The following CIMAP3 variants were observed in gnomAD, a reference collection of about 807,000 sequenced individuals.
The protein encoded by CIMAP3 is ciliary microtubule-associated protein 3.
the CIMAP3 span, among the ~76,000 whole-genome samples, chr1:111,336,721 T>C: frequency 0.13 from 19,298 of 152,214 alleles, 1,332 homozygotes; most frequent in African/African-American, 0.16. Flanking sequence ...CTTCGTCTGA[T>C]TGGTGTACCT....
At chr1:111,351,030 A>G in the CIMAP3 span, among the ~76,000 whole-genome samples, 4 of 152,198 alleles carry the variant, frequency 2.6e-5, no homozygotes, top group African/African-American at 9.7e-5. Context: ...CTGCTTGGGG[A>G]TTTACTAAGT....
At chr1:111,329,933 G>C in the CIMAP3 span, among the ~76,000 whole-genome samples, 1 of 151,960 alleles carries the variant, frequency 6.6e-6, no homozygotes. Context: ...TTATTTCAGA[G>C]AACCAGTATT....
chr1:111,352,569 A>C, the CIMAP3 span: 1 of 152,600 alleles, frequency 6.6e-6, no homozygotes, highest in Non-Finnish European at 1.5e-5. Flanking sequence ...GATAATGATA[A>C]AGATACCTCA....
At chr1:111,348,001 A>G in the CIMAP3 span, among the ~76,000 whole-genome samples, 4 of 152,216 alleles carry the variant, frequency 2.6e-5, no homozygotes, top group African/African-American at 9.7e-5. Flanking sequence ...TTACTGAAGA[A>G]ATGGTCCCAA....
chr1:111,343,356 T>C, the CIMAP3 span, among the ~76,000 whole-genome samples: 3 of 152,224 alleles, frequency 2.0e-5, no homozygotes, highest in Non-Finnish European at 4.4e-5. Flanking sequence ...ATAATAATTC[T>C]TATATGTCCT....
chr1:111,328,671 C>T, the CIMAP3 span, among the ~76,000 whole-genome samples: 1 of 152,122 alleles, frequency 6.6e-6, no homozygotes, highest in African/African-American at 2.4e-5. Context: ...AGAGGCAACT[C>T]CTCCTTTTTT....
the CIMAP3 span, chr1:111,347,643 T>G: frequency 7.4e-7 from 1 of 1,349,674 alleles, no homozygotes; most frequent in Non-Finnish European, 1.0e-6. Flanking sequence ...TTTTTGGTGT[T>G]TTTGTTTGTT....
chr1:111,330,561 T>C, the CIMAP3 span, among the ~76,000 whole-genome samples: 2 of 152,244 alleles, frequency 1.3e-5, no homozygotes, highest in African/African-American at 2.4e-5. Flanking sequence ...CCTATGTTTC[T>C]GCACAGTTGC....
the CIMAP3 span, among the ~76,000 whole-genome samples, chr1:111,338,282 A>C: frequency 6.2e-4 from 95 of 152,158 alleles, 1 homozygote; most frequent in African/African-American, 2.1e-3. Flanking sequence ...TCACAATTAA[A>C]AGAACTAGAA....
At chr1:111,350,036 C>T in the CIMAP3 span, 1 of 1,277,776 alleles carries the variant, frequency 7.8e-7, no homozygotes, top group African/African-American at 1.5e-5. Context: ...CCAGGGACGG[C>T]TCTGGTACTG....
At chr1:111,348,259 G>T in the CIMAP3 span, 1 of 289,126 alleles carries the variant, frequency 3.5e-6, no homozygotes, top group Non-Finnish European at 6.5e-6. Flanking sequence ...CATAGTGGCC[G>T]TGATAAGTTG....
At chr1:111,339,888 G>A in the CIMAP3 span, among the ~76,000 whole-genome samples, 18 of 151,736 alleles carry the variant, frequency 1.2e-4, no homozygotes, top group East Asian at 1.4e-3. Context: ...AAAAGAGCCC[G>A]CATCGCCAAG....
At chr1:111,336,337 C>T in the CIMAP3 span, among the ~76,000 whole-genome samples, 1 of 152,192 alleles carries the variant, frequency 6.6e-6, no homozygotes, top group African/African-American at 2.4e-5. Flanking sequence ...AGCAATAGAA[C>T]AAAGCTGGAC....
the CIMAP3 span, chr1:111,348,942 G>C: frequency 4.1e-6 from 1 of 243,184 alleles, no homozygotes; most frequent in Non-Finnish European, 8.1e-6. Flanking sequence ...ACATTCTAGA[G>C]TCCAGACAGA....
chr1:111,351,805 T>C, the CIMAP3 span: 1 of 152,574 alleles, frequency 6.6e-6, no homozygotes, highest in East Asian at 1.9e-4. Context: ...TGGGAAGGTC[T>C]TGATTTGGTT....
At chr1:111,352,393 T>C in the CIMAP3 span, 1 of 152,612 alleles carries the variant, frequency 6.6e-6, no homozygotes, top group Non-Finnish European at 1.5e-5. Flanking sequence ...GTAACCCTCA[T>C]GGCCACCCCC....
At chr1:111,327,203 T>A in the CIMAP3 span, among the ~76,000 whole-genome samples, 1 of 152,178 alleles carries the variant, frequency 6.6e-6, no homozygotes, top group Admixed American at 6.5e-5. Flanking sequence ...TTTCTTCTAG[T>A]AGTTTTATAG....
chr1:111,348,461 TG>T, the CIMAP3 span: 1 of 1,444,110 alleles, frequency 6.9e-7, no homozygotes, highest in Non-Finnish European at 9.2e-7. Flanking sequence ...GAAGGCTTTA[TG>T]TGTATATATA....
chr1:111,341,895 G>GA, the CIMAP3 span, among the ~76,000 whole-genome samples: 71,683 of 150,588 alleles, frequency 0.48, 17,257 homozygotes, highest in South Asian at 0.54. Context: ...ATGTTTTAAT[G>GA]AAAAAAAAAG....
Sources: allele counts gnomAD v4.1 joint callset (sites outside exome capture counted in the v4.1 genomes callset), GRCh38; gene constraint gnomAD v4.1.1; transcripts MANE v1.5; gene names NCBI Gene and HGNC (gene_info 2026-07-23, HGNC 2026-07-21).